RANBP17: variants seen among roughly 807,000 people sequenced by gnomAD.
The protein encoded by RANBP17 is ran-binding protein 17.
Under a neutral mutation model 141.2 loss-of-function variants are expected in RANBP17, and 158 were observed. The observed-to-expected ratio is 1.12, with a 90% CI of 0.98 to 1.28. The LOEUF (loss-of-function observed/expected upper bound fraction) is 1.28, where lower values mean the gene tolerates loss of function less well. Among genes scored for constraint, RANBP17 ranks in the 50% most tolerant of loss-of-function variants. The pLI is 0.00. For synonymous variants in RANBP17, 430 were observed against 450.0 expected, an observed-to-expected ratio of 0.96 and a Z score of 0.56; for missense variants, 1,438 against 1,290.7, an observed-to-expected ratio of 1.11 and a Z score of -1.75.
At chr5:171,103,947 G>A (rs901154404) in intron 14 of RANBP17, among the ~76,000 whole-genome samples, 38 of 152,162 alleles carry the variant, frequency 2.5e-4, no homozygotes, top group African/African-American at 8.4e-4. Context: ...TGTCTAACCA[G>A]TCCCAATGAG....
chr5:170,968,333 T>C lies in RANBP17; in HGVS notation c.1666T>C (p.Phe556Leu). Residue 556 changes from phenylalanine (F) to leucine (L), a missense_variant, in exon 14 of 28, where the codon TTT becomes CTT. By Grantham distance (22) the Phe-to-Leu change is conservative. Coordinates refer to ENST00000523189, the MANE Select transcript of RANBP17 (RefSeq NM_022897.5). ...ELAILWFLDQ[F>L]RKTYVGDQLQ... ...TGCAATTCTGTGGTTCTTGGATCAG[T>C]TTCGTAAAACATATGTTGGTGATCA... is the stretch of plus-strand genomic sequence containing the variant. The C allele has an allele frequency of 6.2e-7, 1 of 1,609,702 alleles. No homozygotes were observed.
chr5:171,033,617 TTTTA>T (rs1781688474), intron 14 of RANBP17, among the ~76,000 whole-genome samples: 3 of 152,198 alleles, frequency 2.0e-5, no homozygotes, highest in South Asian at 2.1e-4. Context: ...ATATTATTAT[TTTTA>T]TTTATTTATT....
In RANBP17 at chr5:171,293,864, A is replaced by T; in HGVS notation, c.2944-19A>T. 1 of 1,581,250 alleles carries T rather than the reference A, an allele frequency of 6.3e-7. No homozygotes were observed. Among genetic ancestry groups the T allele is most frequent in the Non-Finnish European group, 8.7e-7 (1 of 1,150,266 alleles). ...TCTGAGACAAGGCATCTCAATCTTT[A>T]TGTGATTCTATCTTCTAGATGATGT... is the stretch of plus-strand genomic sequence containing the variant. On this transcript the variant is annotated intron_variant, in intron 25 of 27. Transcript: ENST00000523189.
chr5:170,919,346 T>A, intron 10 of RANBP17, 95 bp from the exon 11 acceptor site: 1 of 904,170 alleles, frequency 1.1e-6, no homozygotes, highest in Non-Finnish European at 1.6e-6. Context: ...AGAATAAAAG[T>A]TAATTTAAAA....
intron 22 of RANBP17, among the ~76,000 whole-genome samples, chr5:171,237,110 A>G (rs758591458): frequency 6.6e-6 from 1 of 152,134 alleles, no homozygotes; most frequent in Non-Finnish European, 1.5e-5. Context: ...GCAGATGAGC[A>G]GGAGATGTGA....
rs78198261 is a variant in RANBP17, at chr5:170,904,657, G to C, written c.490-5004G>C. On this transcript the variant is annotated intron_variant, in intron 5 of 27. Transcript: ENST00000523189. ...TGAAATTAGTGAAATCCTAGTACCTGAACTTCAGACATTTGTCTTCAGAAA... is the reference window on the plus strand; with the variant it reads ...TGAAATTAGTGAAATCCTAGTACCTCAACTTCAGACATTTGTCTTCAGAAA... Among the ~76,000 whole-genome samples, 1,197 of 152,200 alleles carry C rather than the reference G, an allele frequency of 7.9e-3. 16 individuals carry two copies. The highest frequency in any genetic ancestry group is 0.028 in the African/African-American group (1,145 of 41,518).
intron 14 of RANBP17, among the ~76,000 whole-genome samples, chr5:171,106,909 TA>T (rs2127752515): frequency 6.6e-6 from 1 of 152,268 alleles, no homozygotes; most frequent in Non-Finnish European, 1.5e-5. Context: ...ACTAAAAGTT[TA>T]AAAAGTAAAA....
At chr5:171,076,322 A>G (rs1784917735) in intron 14 of RANBP17, among the ~76,000 whole-genome samples, 1 of 152,224 alleles carries the variant, frequency 6.6e-6, no homozygotes, top group Admixed American at 6.5e-5. Context: ...AGAAGAAACA[A>G]TGAAAGATAT....
chr5:170,931,949 C>G (rs1561903194), intron 12 of RANBP17, among the ~76,000 whole-genome samples: 1 of 152,136 alleles, frequency 6.6e-6, no homozygotes, highest in Non-Finnish European at 1.5e-5. Flanking sequence ...TGAAGAAAGT[C>G]AGTGGTAGCT....
At chr5:170,936,113 C>T (rs1773852024) in intron 12 of RANBP17, among the ~76,000 whole-genome samples, 1 of 152,192 alleles carries the variant, frequency 6.6e-6, no homozygotes, top group Non-Finnish European at 1.5e-5. Context: ...GTCATAATCT[C>T]CTGGTGTGCC....
chr5:171,293,020 C>T (rs187014509), intron 25 of RANBP17, among the ~76,000 whole-genome samples: 18 of 152,296 alleles, frequency 1.2e-4, no homozygotes, highest in African/African-American at 3.9e-4. Flanking sequence ...TGGCAGAACC[C>T]TTTGTGTGCA....
intron 14 of RANBP17, among the ~76,000 whole-genome samples, chr5:171,100,738 G>A (rs2127742557): frequency 6.6e-6 from 1 of 152,324 alleles, no homozygotes; most frequent in South Asian, 2.1e-4. Flanking sequence ...TGGGCATTTA[G>A]TGCTATAAAT....
At chr5:171,027,768 A>G (rs1419921955) in intron 14 of RANBP17, among the ~76,000 whole-genome samples, 2 of 152,120 alleles carry the variant, frequency 1.3e-5, no homozygotes, top group Non-Finnish European at 2.9e-5. Flanking sequence ...AGAGACCAGT[A>G]GACCTAGTTT....
At chr5:171,113,966 A>G (rs1755433801) in intron 14 of RANBP17, among the ~76,000 whole-genome samples, 1 of 152,174 alleles carries the variant, frequency 6.6e-6, no homozygotes, top group Non-Finnish European at 1.5e-5. Flanking sequence ...CTCTAATTTA[A>G]AAAGGCTTTG....
chr5:171,004,246 GA>G (rs1779423903), intron 14 of RANBP17, among the ~76,000 whole-genome samples: 1 of 152,046 alleles, frequency 6.6e-6, no homozygotes. Flanking sequence ...GTTAAGGTAG[GA>G]GGATATGAGA....
chr5:171,192,002 TTGA>T (rs1249736368), intron 18 of RANBP17, among the ~76,000 whole-genome samples: 1 of 152,160 alleles, frequency 6.6e-6, no homozygotes, highest in East Asian at 1.9e-4. Flanking sequence ...ATATTATAGT[TTGA>T]TGGTGAGTGA....
chr5:171,240,960 A>G lies in RANBP17; in HGVS notation c.2455A>G (p.Lys819Glu), dbSNP rs1476854530. ...GATCCTGTCCCTTGGGAGCCTCTCA[A>G]AAGATCAGATTTATCCAATGAAACT... ...NQILSLGSLS[K>E]DQIYPMKLKG... The change falls in exon 23 of 28, where the codon AAA becomes GAA. Residue 819 changes from lysine to glutamate, a missense_variant. By Grantham distance (56) the Lys-to-Glu change is moderately conservative. Transcript: ENST00000523189. 6.2e-7 allele frequency: 1 copy of G among 1,613,730 alleles called. No individual in the cohort carries two copies. Among genetic ancestry groups the G allele is most frequent in the African/African-American group, 1.3e-5 (1 of 74,910 alleles).
intron 25 of RANBP17, among the ~76,000 whole-genome samples, chr5:171,281,576 C>G (rs1767866548): frequency 6.6e-6 from 1 of 152,086 alleles, no homozygotes; most frequent in South Asian, 2.1e-4. Context: ...CAATTCCGTA[C>G]CAATGGTGCT....
intron 14 of RANBP17, among the ~76,000 whole-genome samples, chr5:171,108,927 A>G (rs1232219303): frequency 6.6e-6 from 1 of 152,192 alleles, no homozygotes; most frequent in East Asian, 1.9e-4. Flanking sequence ...AACAAAAACA[A>G]TATACCAATG....
Sources: gnomAD v4.1 joint callset for allele counts (sites outside exome capture counted in the v4.1 genomes callset) on GRCh38, gnomAD v4.1.1 for gene constraint, MANE v1.5 for transcripts, NCBI Gene and HGNC (gene_info 2026-07-23, HGNC 2026-07-21) for gene names.